The following NCKAP5 variants were observed in gnomAD, a reference collection of about 807,000 sequenced individuals.
NCKAP5 encodes nck-associated protein 5.
Under a neutral mutation model 167.0 loss-of-function variants are expected in NCKAP5, and 92 were observed. That is an observed-to-expected ratio of 0.55 (90% CI 0.47 to 0.66). The LOEUF is 0.66. NCKAP5 is among the 30% of genes least tolerant of loss of function. The pLI is 0.00. For synonymous variants in NCKAP5, 891 were observed against 877.4 expected (o/e 1.02, Z -0.27); for missense variants, 2,378 against 2,315.0 (o/e 1.03, Z -0.56).
intron 8 of NCKAP5, among the ~76,000 whole-genome samples, chr2:132,900,486 A>G (rs1693534419): frequency 6.6e-6 from 1 of 152,182 alleles, no homozygotes; most frequent in Non-Finnish European, 1.5e-5. Context: ...ACACATACAC[A>G]TATGAATTAT....
chr2:133,210,657 A>G (rs578096308), intron 5 of NCKAP5, among the ~76,000 whole-genome samples: 1 of 152,334 alleles, frequency 6.6e-6, no homozygotes, highest in African/African-American at 2.4e-5. Flanking sequence ...CTTCAGAAAT[A>G]AATGAATTCT....
At chr2:133,110,517 C>T (rs1036963209) in intron 6 of NCKAP5, among the ~76,000 whole-genome samples, 2 of 152,086 alleles carry the variant, frequency 1.3e-5, no homozygotes, top group South Asian at 2.1e-4. Flanking sequence ...GGAAGTATTT[C>T]GGCATTTTAA....
chr2:133,265,613 C>T (rs1442217463), intron 4 of NCKAP5, among the ~76,000 whole-genome samples: 1 of 151,786 alleles, frequency 6.6e-6, no homozygotes, highest in African/African-American at 2.4e-5. Flanking sequence ...GTGAGCTGGG[C>T]GGGAGGTGGC....
intron 8 of NCKAP5, among the ~76,000 whole-genome samples, chr2:132,913,070 A>G (rs1694582345): frequency 6.6e-6 from 1 of 151,932 alleles, no homozygotes; most frequent in African/African-American, 2.4e-5. Flanking sequence ...TGGACCTAAG[A>G]TTTGTCTCAA....
At chr2:132,932,218 G>A (rs1696433695) in intron 8 of NCKAP5, among the ~76,000 whole-genome samples, 1 of 152,090 alleles carries the variant, frequency 6.6e-6, no homozygotes, top group Non-Finnish European at 1.5e-5. Context: ...TTTTTGTGTT[G>A]TTTTGTTTGT....
At chr2:132,816,163 T>C (rs1686253096) in intron 11 of NCKAP5, among the ~76,000 whole-genome samples, 1 of 152,034 alleles carries the variant, frequency 6.6e-6, no homozygotes, top group African/African-American at 2.4e-5. Flanking sequence ...TTCGTAAGGT[T>C]GTGGTGAGGA....
chr2:133,444,272 C>G (rs1451750444), intron 3 of NCKAP5, among the ~76,000 whole-genome samples: 2 of 151,966 alleles, frequency 1.3e-5, no homozygotes, highest in Non-Finnish European at 2.9e-5. Flanking sequence ...TATCTCAGCG[C>G]TGTTTAAGCA....
At chr2:132,818,048 A>G (rs1686416218) in intron 11 of NCKAP5, among the ~76,000 whole-genome samples, 1 of 152,150 alleles carries the variant, frequency 6.6e-6, no homozygotes, top group East Asian at 1.9e-4. Context: ...CTCGAGCTCA[A>G]ACAATCCCCA....
intron 5 of NCKAP5, among the ~76,000 whole-genome samples, chr2:133,170,614 A>T (rs575413644): frequency 1.8e-4 from 27 of 152,310 alleles, no homozygotes; most frequent in African/African-American, 6.5e-4. Flanking sequence ...TGGAGAAAAA[A>T]TAGCTAGCAT....
At chr2:133,110,491 T>C (rs2081871285) in intron 6 of NCKAP5, among the ~76,000 whole-genome samples, 3 of 152,292 alleles carry the variant, frequency 2.0e-5, no homozygotes, top group Non-Finnish European at 4.4e-5. Context: ...CATTCTAAGC[T>C]TTCATCAACC....
chr2:133,382,423 C>A lies in NCKAP5; in HGVS notation c.70-79313G>T, dbSNP rs943735007. 3.7e-4 allele frequency among the ~76,000 whole-genome samples: 56 copies of A among 152,140 alleles called. 1 individual carries two copies. The highest frequency in any genetic ancestry group is 1.1e-3 in the African/African-American group (44 of 41,432). On this transcript the variant is annotated intron_variant, in intron 3 of 19. Coordinates refer to ENST00000409261, the MANE Select transcript of NCKAP5 (RefSeq NM_207363.3). ...GCCACTCACCTTCACTTAAACCATT[C>A]AATACCTTCTCATTGGTTTTAACAT...
At chr2:132,691,008 T>C (rs567589033) in intron 19 of NCKAP5, among the ~76,000 whole-genome samples, 12 of 152,370 alleles carry the variant, frequency 7.9e-5, no homozygotes, top group African/African-American at 2.9e-4. Flanking sequence ...GACTGTCTCC[T>C]GTTGAGTATC....
At chr2:133,642,589 G>A in the NCKAP5 span, among the ~76,000 whole-genome samples, 14 of 152,290 alleles carry the variant, frequency 9.2e-5, no homozygotes, top group African/African-American at 3.1e-4. Context: ...ATAACTAAAG[G>A]ATGGTCTTCA....
chr2:133,523,753 C>T (rs188326889), intron 2 of NCKAP5, among the ~76,000 whole-genome samples: 8 of 152,124 alleles, frequency 5.3e-5, no homozygotes, highest in Non-Finnish European at 7.4e-5. Context: ...TTGTTATATT[C>T]CCTGCAGCAT....
intron 3 of NCKAP5, among the ~76,000 whole-genome samples, chr2:133,506,877 G>A (rs1430628504): frequency 2.0e-5 from 3 of 152,292 alleles, no homozygotes; most frequent in Admixed American, 2.0e-4. Context: ...GTAGACAAAT[G>A]ATGGGAAGTT....
chr2:133,066,300 T>G (rs1024297571), intron 6 of NCKAP5, among the ~76,000 whole-genome samples: 1 of 152,222 alleles, frequency 6.6e-6, no homozygotes, highest in Non-Finnish European at 1.5e-5. Flanking sequence ...TTTCTCTTTG[T>G]TTTCAATAAG....
intron 6 of NCKAP5, among the ~76,000 whole-genome samples, chr2:133,019,202 T>C (rs913737905): frequency 2.0e-5 from 3 of 152,198 alleles, no homozygotes; most frequent in Non-Finnish European, 4.4e-5. Flanking sequence ...GAAAACTACA[T>C]AGCACAGTGC....
At chr2:132,742,577 A>G (rs1679298375) in intron 16 of NCKAP5, among the ~76,000 whole-genome samples, 1 of 151,908 alleles carries the variant, frequency 6.6e-6, no homozygotes. Flanking sequence ...TGCCTATATT[A>G]CTGTAATTAC....
In NCKAP5 at chr2:132,731,765, C is replaced by G. The variant is rs1049356709; in HGVS notation, c.5415G>C (p.Gln1805His). The G allele has an allele frequency of 6.2e-7, 1 of 1,604,484 alleles. No individual in the cohort carries two copies. Among genetic ancestry groups the G allele is most frequent in the Admixed American group, 1.7e-5 (1 of 59,578 alleles). The change falls in exon 17 of 20, where the codon CAG becomes CAC. Residue 1805 changes from glutamine (Q) to histidine (H), a missense_variant. Gln to His is a conservative substitution (Grantham distance 24). Around this residue, in one of 3 missense-constraint regions of NCKAP5, gnomAD observed 1,325 missense variants for 1,274.5 expected, o/e 1.04. Coordinates refer to ENST00000409261, the MANE Select transcript of NCKAP5 (RefSeq NM_207363.3). ...AGGAAGCTGGTTTGGGGAGGCGGCT[C>G]TGAAGAGGCCTCATCCCTCTGGCGG... is the stretch of plus-strand genomic sequence containing the variant. Reference protein sequence around the residue: ...IMTARGMRPLQSRLPKPASSG... With the variant: ...IMTARGMRPLHSRLPKPASSG...
Sources: allele counts gnomAD v4.1 joint callset (sites outside exome capture counted in the v4.1 genomes callset), GRCh38; gene constraint gnomAD v4.1.1; regional missense constraint gnomAD v4.1.1; transcripts MANE v1.5; gene names NCBI Gene and HGNC (gene_info 2026-07-23, HGNC 2026-07-21).